Variants in TFCP2 observed in about 807,000 individuals in gnomAD.
The protein encoded by TFCP2 is transcription factor CP2, also known as alpha-globin transcription factor CP2.
A neutral mutation model predicts 73.4 loss-of-function variants in TFCP2; 33 were observed. The observed-to-expected ratio is 0.45, with a 90% CI of 0.34 to 0.60. The LOEUF (loss-of-function observed/expected upper bound fraction) is 0.60. TFCP2 is among the 20% of genes least tolerant of loss of function. The pLI is 0.01. For missense variants in TFCP2, 352 were observed against 604.0 expected, an observed-to-expected ratio of 0.58 and a Z score of 4.37; for synonymous variants, 193 against 211.6, an observed-to-expected ratio of 0.91 and a Z score of 0.76.
chr12:51,116,265 T>C, intron 4 of TFCP2, 50 bp downstream of exon 4: 1 of 1,004,886 alleles, frequency 1.0e-6, no homozygotes, highest in Non-Finnish European at 1.5e-6. Flanking sequence ...AAACCAACTC[T>C]GGGTCCATAG....
At chr12:51,124,617 C>T (rs1482046619) in intron 1 of TFCP2, 9 of 534,802 alleles carry the variant, frequency 1.7e-5, no homozygotes, top group East Asian at 9.7e-5. Flanking sequence ...ACTGCCCCGC[C>T]GGCAGGTAGG....
At chr12:51,095,624 G>C (rs542903478) in intron 14 of TFCP2, among the ~76,000 whole-genome samples, 7 of 151,982 alleles carry the variant, frequency 4.6e-5, no homozygotes, top group African/African-American at 1.7e-4. Flanking sequence ...AGACCAGCCT[G>C]GCCAACAAGG....
intron 1 of TFCP2, among the ~76,000 whole-genome samples, chr12:51,163,494 G>A (rs1256704415): frequency 6.6e-6 from 1 of 152,156 alleles, no homozygotes; most frequent in East Asian, 1.9e-4. Context: ...GGAGGCTGAG[G>A]CAGGAGAATC....
chr12:51,153,753 T>C (rs12297981), intron 1 of TFCP2, among the ~76,000 whole-genome samples: 6,037 of 152,306 alleles, frequency 0.04, 395 homozygotes, highest in African/African-American at 0.14. Context: ...GCCTGAATAA[T>C]ATTCCATCAT....
chr12:51,095,813 CAAAAAAAAAAAAAA>C (rs34105291), intron 14 of TFCP2, among the ~76,000 whole-genome samples, 162 bp downstream of exon 14: 1 of 84,198 alleles, frequency 1.2e-5, no homozygotes, highest in Non-Finnish European at 2.1e-5. Context: ...GACTCTGTTT[CAAAAAAAAAAAAAA>C]AAAAAAAAGC....
intron 1 of TFCP2, chr12:51,124,901 T>C: frequency 1.0e-6 from 1 of 975,058 alleles, no homozygotes; most frequent in Non-Finnish European, 1.6e-6. Context: ...AGGTCAGATA[T>C]GTCAAGGACA....
At chr12:51,103,820 A>AATGG in intron 9 of TFCP2, 57 bp from the exon 10 acceptor site, 15 of 1,366,126 alleles carry the variant, frequency 1.1e-5, no homozygotes, top group African/African-American at 1.4e-5. Flanking sequence ...TTACCCCATT[A>AATGG]GGTAACACAT....
At chr12:51,115,119 C>CTTTTT (rs767275906) in intron 4 of TFCP2, among the ~76,000 whole-genome samples, 2 of 83,798 alleles carry the variant, frequency 2.4e-5, no homozygotes, top group Non-Finnish European at 2.3e-5. Context: ...AAATTGGAAC[C>CTTTTT]TTTTTTTTTT....
chr12:51,105,185 C>CTGGT (rs1365348427), intron 8 of TFCP2, among the ~76,000 whole-genome samples: 1 of 151,646 alleles, frequency 6.6e-6, no homozygotes, highest in Non-Finnish European at 1.5e-5. Context: ...CCTCTGCCCT[C>CTGGT]TGGTTTCAAG....
intron 1 of TFCP2, among the ~76,000 whole-genome samples, chr12:51,148,266 C>T (rs1941341249): frequency 6.6e-6 from 1 of 152,138 alleles, no homozygotes; most frequent in Non-Finnish European, 1.5e-5. Flanking sequence ...CCATTTGATC[C>T]AGCAATCCCA....
chr12:51,109,052 T>G, intron 6 of TFCP2, 69 bp downstream of exon 6: 1 of 1,532,718 alleles, frequency 6.5e-7, no homozygotes, highest in South Asian at 1.2e-5. Flanking sequence ...TTTTCTGACT[T>G]GGTAACTAAT....
At chr12:51,126,164 C>T (rs1418021134) in intron 1 of TFCP2, among the ~76,000 whole-genome samples, 11 of 134,038 alleles carry the variant, frequency 8.2e-5, no homozygotes, top group African/African-American at 2.8e-4. Flanking sequence ...ACCCGGGAGG[C>T]GGAGCTTGTA....
intron 4 of TFCP2, among the ~76,000 whole-genome samples, chr12:51,113,885 T>C (rs1383540290): frequency 1.3e-5 from 2 of 152,198 alleles, no homozygotes; most frequent in Non-Finnish European, 2.9e-5. Context: ...TCTTTCTGTA[T>C]ATGGTTTACC....
chr12:51,147,664 A>G (rs1941327536), intron 1 of TFCP2, among the ~76,000 whole-genome samples: 2 of 152,196 alleles, frequency 1.3e-5, no homozygotes, highest in Non-Finnish European at 2.9e-5. Flanking sequence ...AAAGACTTAA[A>G]TCTAAGACTT....
chr12:51,133,195 G>A (rs1940988678), intron 1 of TFCP2, among the ~76,000 whole-genome samples: 1 of 150,986 alleles, frequency 6.6e-6, no homozygotes, highest in Admixed American at 6.6e-5. Context: ...AAATAACAGA[G>A]CACAAAACCA....
intron 1 of TFCP2, among the ~76,000 whole-genome samples, chr12:51,126,878 GA>G (rs1940830035): frequency 6.6e-6 from 1 of 152,118 alleles, no homozygotes; most frequent in Non-Finnish European, 1.5e-5. Context: ...ACAACTGTAA[GA>G]AAATAGATTG....
At chr12:51,124,409 C>T (rs1248733776) in intron 1 of TFCP2, among the ~76,000 whole-genome samples, 4 of 151,946 alleles carry the variant, frequency 2.6e-5, no homozygotes, top group Admixed American at 6.6e-5. Flanking sequence ...TTATTTTTTT[C>T]TTTTCTTCTT....
intron 8 of TFCP2, among the ~76,000 whole-genome samples, chr12:51,104,934 G>C (rs749765389): frequency 6.6e-6 from 1 of 151,772 alleles, no homozygotes; most frequent in Admixed American, 6.6e-5. Context: ...GGATGGTCTC[G>C]ATCTCCTGAC....
chr12:51,125,179 T>C, intron 1 of TFCP2: 1 of 698,140 alleles, frequency 1.4e-6, no homozygotes, highest in Non-Finnish European at 2.7e-6. Flanking sequence ...CTACCAGTGA[T>C]GATTGGTACA....
Sources: allele counts gnomAD v4.1 joint callset (sites outside exome capture counted in the v4.1 genomes callset), GRCh38; gene constraint gnomAD v4.1.1; transcripts MANE v1.5; gene names NCBI Gene and HGNC (gene_info 2026-07-23, HGNC 2026-07-21).